The following FGGY variants were observed in gnomAD, a reference collection of about 807,000 sequenced individuals.
FGGY encodes FGGY carbohydrate kinase domain containing.
Under a neutral mutation model 71.3 loss-of-function variants are expected in FGGY, and 72 were observed. The observed-to-expected ratio is 1.01, with a 90% CI of 0.84 to 1.23. FGGY has a LOEUF of 1.23. Ranked by LOEUF, FGGY falls within the 50% of genes most tolerant of loss-of-function variation. The pLI is 0.00. For missense variants in FGGY, 668 were observed against 682.3 expected, an observed-to-expected ratio of 0.98 and a Z score of 0.23; for synonymous variants, 251 against 250.3, an observed-to-expected ratio of 1.00 and a Z score of -0.02.
At chr1:59,400,747 C>G (rs542028387) in intron 5 of FGGY, among the ~76,000 whole-genome samples, 5 of 151,774 alleles carry the variant, frequency 3.3e-5, no homozygotes, top group Non-Finnish European at 5.9e-5. Flanking sequence ...ATAAGTAGAA[C>G]TAAACCAAAT....
intron 8 of FGGY, among the ~76,000 whole-genome samples, chr1:59,569,862 G>T (rs1017707092): frequency 3.2e-4 from 49 of 152,140 alleles, no homozygotes; most frequent in African/African-American, 1.2e-3. Context: ...GCTAATAAAT[G>T]ATAGGGCCAA....
intron 7 of FGGY, among the ~76,000 whole-genome samples, chr1:59,536,563 T>C (rs553112997): frequency 6.6e-6 from 1 of 152,162 alleles, no homozygotes; most frequent in East Asian, 1.9e-4. Context: ...TGATGAACAC[T>C]GATGCAAAAA....
At chr1:59,731,005 T>C (rs1004258586) in intron 14 of FGGY, among the ~76,000 whole-genome samples, 13 of 152,194 alleles carry the variant, frequency 8.5e-5, no homozygotes, top group African/African-American at 3.1e-4. Context: ...CTCGACAAAA[T>C]GTCACCAATG....
intron 5 of FGGY, among the ~76,000 whole-genome samples, chr1:59,425,288 A>T: frequency 6.6e-6 from 1 of 152,250 alleles, no homozygotes; most frequent in Admixed American, 6.5e-5. Context: ...ATATTGGCAC[A>T]TAACAATTAG....
chr1:59,409,596 T>TATATATATATATATATATATA (rs1557833921), intron 5 of FGGY, among the ~76,000 whole-genome samples: 6 of 84,040 alleles, frequency 7.1e-5, no homozygotes, highest in African/African-American at 2.4e-4. Context: ...AGGAAGAGTT[T>TATATATATATATATATATATA]TTTATATATA....
rs1017481525 is a variant in FGGY at position 59,699,239 on chromosome 1, A to G, written c.1512+25106A>G. ...AGATTTTTTTTCTGGCTAAAAAATG[A>G]TATTTTTCTTCTTCTTGGGGTGAGC... On this transcript the variant is annotated intron_variant, in intron 14 of 15. Transcript: ENST00000303721. 8.1e-6 allele frequency: 8 copies of G among 985,172 alleles called. No homozygotes were observed. In the African/African-American group the frequency reaches 1.0e-4, roughly 13 times the overall value. 61.0% of individuals were successfully genotyped at this position (985,172 alleles called of 1,614,324 possible). A position where few individuals can be genotyped will look rare whatever the true frequency, so the allele number is the denominator to read the frequency against.
chr1:59,671,370 C>T (rs1350735910), intron 13 of FGGY, among the ~76,000 whole-genome samples: 1 of 152,166 alleles, frequency 6.6e-6, no homozygotes, highest in African/African-American at 2.4e-5. Flanking sequence ...ACAGTGTTTC[C>T]ACCCCTGGGC....
intron 4 of FGGY, among the ~76,000 whole-genome samples, chr1:59,366,702 C>CA (rs2056654808): frequency 6.6e-6 from 1 of 150,468 alleles, no homozygotes; most frequent in African/African-American, 2.4e-5. Flanking sequence ...TTTTTTTTTT[C>CA]ATGAGTTAGA....
intron 12 of FGGY, among the ~76,000 whole-genome samples, chr1:59,661,646 A>T (rs1230578708): frequency 1.3e-5 from 2 of 152,162 alleles, no homozygotes; most frequent in African/African-American, 4.8e-5. Context: ...CCTGTTTTAT[A>T]ATAATAATGA....
chr1:59,597,255 T>G (rs116273764), intron 8 of FGGY, among the ~76,000 whole-genome samples: 181 of 152,330 alleles, frequency 1.2e-3, no homozygotes, highest in African/African-American at 4.1e-3. Context: ...CAATGATTGA[T>G]GCTTATGCAC....
intron 9 of FGGY, among the ~76,000 whole-genome samples, chr1:59,615,090 A>G (rs575417359): frequency 6.6e-6 from 1 of 152,318 alleles, no homozygotes; most frequent in South Asian, 2.1e-4. Flanking sequence ...TAATTTATAG[A>G]TTCAATGCCA....
chr1:59,552,584 A>G lies in FGGY; in HGVS notation c.800-1540A>G, dbSNP rs555696305. Among the ~76,000 whole-genome samples, 25 of 152,262 alleles carry G rather than the reference A, an allele frequency of 1.6e-4. No homozygotes were observed. In the South Asian group the frequency reaches 5.0e-3, roughly 30 times the overall value. On this transcript the variant is annotated intron_variant, in intron 7 of 15. Coordinates refer to ENST00000303721, the MANE Select transcript of FGGY (RefSeq NM_018291.5). ...TATCTGAGCAGCCAGTGCCTTCAGT[A>G]TCTGGGGATTTGTGGTCTGATGAGA...
At chr1:59,413,937 G>A (rs2063970680) in intron 5 of FGGY, among the ~76,000 whole-genome samples, 1 of 152,182 alleles carries the variant, frequency 6.6e-6, no homozygotes, top group Non-Finnish European at 1.5e-5. Context: ...CTCCAGCCTG[G>A]GCAATAGAGT....
intron 7 of FGGY, among the ~76,000 whole-genome samples, chr1:59,522,893 G>T (rs941410356): frequency 1.3e-5 from 2 of 152,172 alleles, no homozygotes; most frequent in Non-Finnish European, 2.9e-5. Flanking sequence ...AATGGAGCAA[G>T]GTGTCTTATT....
At position 59,660,201 on chromosome 1, in the gene FGGY, T is replaced by C. The variant is rs371670773; in HGVS notation, c.1222-18T>C. On this transcript the variant is annotated intron_variant, in intron 11 of 15. Transcript: ENST00000303721. ...TTCTTTTGACCATCTTCTTCTTTTCTTCCCTTCATGCCTGCAGGTCACCGG... is the reference window on the plus strand; with the variant it reads ...TTCTTTTGACCATCTTCTTCTTTTCCTCCCTTCATGCCTGCAGGTCACCGG... 1.2e-5 allele frequency: 19 copies of C among 1,610,918 alleles called. No homozygotes were observed. The highest frequency in any genetic ancestry group is 6.7e-5 in the Admixed American group (4 of 59,994).
Position 59,614,528 on chromosome 1 carries a change from C to A in FGGY, c.1011+6618C>A, listed in dbSNP as rs186001176. On this transcript the variant is annotated intron_variant, in intron 9 of 15. Coordinates refer to ENST00000303721, the MANE Select transcript of FGGY (RefSeq NM_018291.5). ...ATAGTAAGAGCTATCTATGACAAAC[C>A]CACAGCCAATATCATACTGAATGGG... Among the ~76,000 whole-genome samples the A allele has an allele frequency of 6.3e-3, 958 of 152,130 alleles. 20 individuals carry two copies. Among genetic ancestry groups the A allele is most frequent in the Non-Finnish European group, 5.4e-3 (364 of 68,000 alleles).
intron 7 of FGGY, among the ~76,000 whole-genome samples, chr1:59,539,173 T>C (rs935809168): frequency 9.2e-5 from 14 of 152,246 alleles, no homozygotes; most frequent in African/African-American, 3.1e-4. Context: ...TGGAAAACAG[T>C]ATTATAAATG....
At chr1:59,614,822 T>A (rs1298183789) in intron 9 of FGGY, among the ~76,000 whole-genome samples, 1 of 152,160 alleles carries the variant, frequency 6.6e-6, no homozygotes, top group East Asian at 1.9e-4. Flanking sequence ...AAAATCAATG[T>A]GCAAAAATCA....
At chr1:59,372,287 G>T (rs1012069934) in intron 4 of FGGY, among the ~76,000 whole-genome samples, 5 of 152,224 alleles carry the variant, frequency 3.3e-5, no homozygotes, top group East Asian at 1.9e-4. Context: ...ACACCTCTAC[G>T]CAAATAAACT....
Sources: allele counts gnomAD v4.1 joint callset (sites outside exome capture counted in the v4.1 genomes callset), GRCh38; gene constraint gnomAD v4.1.1; transcripts MANE v1.5; gene names NCBI Gene and HGNC (gene_info 2026-07-23, HGNC 2026-07-21).